CFAP20DC: variants seen among roughly 807,000 people sequenced by gnomAD.
CFAP20DC encodes the protein protein CFAP20DC.
A neutral mutation model predicts 101.7 loss-of-function variants in CFAP20DC; 84 were observed. The observed-to-expected ratio is 0.83, with a 90% confidence interval of 0.69 to 0.99. CFAP20DC has a LOEUF of 0.99. CFAP20DC is among the 50% of genes least tolerant of loss of function. The pLI is 0.00. For synonymous variants in CFAP20DC, 359 were observed against 351.2 expected (o/e 1.02, Z -0.25); for missense variants, 1,007 against 970.3 (o/e 1.04, Z -0.50).
intron 15 of CFAP20DC, among the ~76,000 whole-genome samples, chr3:58,782,384 G>A (rs1036413588): frequency 2.8e-4 from 42 of 152,056 alleles, no homozygotes; most frequent in African/African-American, 7.9e-4. Context: ...AGACAAGGAT[G>A]CCCACTTTTA....
At chr3:58,776,866 C>A (rs1299703838) in intron 15 of CFAP20DC, among the ~76,000 whole-genome samples, 2 of 151,822 alleles carry the variant, frequency 1.3e-5, no homozygotes, top group African/African-American at 4.8e-5. Context: ...AAGAGACAGT[C>A]CCTTCACCAT....
chr3:58,991,839 G>T lies in CFAP20DC; in HGVS notation c.278+47718C>A, dbSNP rs1172746515. On this transcript the variant is annotated intron_variant, in intron 4 of 16. Coordinates refer to ENST00000482387, the MANE Select transcript of CFAP20DC (RefSeq NM_001394063.1). ...CCTAACAGGTCACCTACAGGTACTG[G>T]TCTGTGGCCCAGGGCTCGGGGACCC... Among the ~76,000 whole-genome samples the T allele has an allele frequency of 2.0e-5, 3 of 152,224 alleles. No individual in the cohort carries two copies. The East Asian group carries it at 5.8e-4, about 29-fold the overall frequency.
chr3:58,917,226 T>C (rs1424548189), intron 5 of CFAP20DC, among the ~76,000 whole-genome samples: 2 of 152,188 alleles, frequency 1.3e-5, no homozygotes, highest in Non-Finnish European at 2.9e-5. Flanking sequence ...TTCTAGTTTT[T>C]ACTAACTCAT....
At chr3:58,983,894 C>T (rs1373741653) in intron 4 of CFAP20DC, among the ~76,000 whole-genome samples, 1 of 152,150 alleles carries the variant, frequency 6.6e-6, no homozygotes, top group Admixed American at 6.5e-5. Context: ...AGAATTCCAA[C>T]CCAGGCAGTC....
At position 58,861,796 on chromosome 3, in the gene CFAP20DC, A is replaced by G. The variant is rs1044170418; in HGVS notation, c.1593+1762T>C. The G allele has an allele frequency of 1.7e-5, 17 of 985,348 alleles. No individual in the cohort carries two copies. The highest frequency in any genetic ancestry group is 6.1e-5 in the Admixed American group (1 of 16,268). The allele number at this position is 985,348 out of a possible 1,614,324, so 61.0% of individuals were successfully genotyped here. On this transcript the variant is annotated intron_variant, in intron 12 of 16. Coordinates refer to ENST00000482387, the MANE Select transcript of CFAP20DC (RefSeq NM_001394063.1). The surrounding 1 kb of genome is among the most constrained non-coding windows in gnomAD (Gnocchi z 4.0). ...TGGTCTCACCACAGACTCTAGCCGT[A>G]TGCTACTGGTCACCTTGATGGGCAT... is the stretch of plus-strand genomic sequence containing the variant.
chr3:59,029,407 A>G (rs571956078), intron 4 of CFAP20DC, among the ~76,000 whole-genome samples: 11 of 152,296 alleles, frequency 7.2e-5, no homozygotes, highest in Admixed American at 6.5e-4. Flanking sequence ...GAAAATCATA[A>G]AAGGGCTTTC....
intron 15 of CFAP20DC, among the ~76,000 whole-genome samples, chr3:58,769,016 C>T (rs1253470863): frequency 2.6e-5 from 4 of 152,292 alleles, no homozygotes; most frequent in East Asian, 1.9e-4. Flanking sequence ...CAAATGGAAC[C>T]GTATGAATAC....
intron 12 of CFAP20DC, among the ~76,000 whole-genome samples, chr3:58,853,613 G>C (rs948023316): frequency 9.2e-5 from 14 of 151,964 alleles, no homozygotes; most frequent in Non-Finnish European, 1.8e-4. Flanking sequence ...GAATCCAGCA[G>C]CACATCAAAA....
chr3:59,037,280 T>C (rs1168636862), intron 4 of CFAP20DC, among the ~76,000 whole-genome samples: 3 of 151,716 alleles, frequency 2.0e-5, no homozygotes, highest in Non-Finnish European at 2.9e-5. Context: ...AATTGACAAA[T>C]GGGATCTAAT....
intron 7 of CFAP20DC, among the ~76,000 whole-genome samples, chr3:58,881,707 T>C (rs940838152): frequency 1.3e-5 from 2 of 152,126 alleles, no homozygotes; most frequent in Non-Finnish European, 2.9e-5. Flanking sequence ...TAATAAAATA[T>C]CACAATTTAC....
At chr3:58,984,447 T>G (rs1232002985) in intron 4 of CFAP20DC, among the ~76,000 whole-genome samples, 2 of 152,216 alleles carry the variant, frequency 1.3e-5, no homozygotes, top group Non-Finnish European at 2.9e-5. Context: ...AACTCTGAAA[T>G]GCAACGAGCA....
chr3:58,868,034 A>G lies in CFAP20DC; in HGVS notation c.1016-98T>C. 1 of 1,319,602 alleles carries G rather than the reference A, an allele frequency of 7.6e-7. No individual in the cohort carries two copies. The highest frequency in any genetic ancestry group is 2.6e-5 in the East Asian group (1 of 38,468). The allele number at this position is 1,319,602 out of a possible 1,614,324, so 81.7% of individuals were successfully genotyped here. A position where few individuals can be genotyped will look rare whatever the true frequency, so the allele number is the denominator to read the frequency against. On this transcript the variant is annotated intron_variant, in intron 9 of 16. Coordinates refer to ENST00000482387, the MANE Select transcript of CFAP20DC (RefSeq NM_001394063.1). This position sits in a 1 kb window ranked among gnomAD's most constrained non-coding sequence, Gnocchi z 4.6. ...AATTATCACTATAATGAGAATATTC[A>G]TGTATAATTTTGACATAATGTGAAG...
At position 58,812,483 on chromosome 3, in the gene CFAP20DC, G is replaced by C. The variant is rs565262119; in HGVS notation, c.2176-6027C>G. Reference sequence around the variant, plus strand: ...AAAAACCAAACACCGCATATTCTCAGTCATAGGTGGGAAATGAACAATGAG... The same window carrying C: ...AAAAACCAAACACCGCATATTCTCACTCATAGGTGGGAAATGAACAATGAG... On this transcript the variant is annotated intron_variant, in intron 14 of 16. Transcript: ENST00000482387. Among the ~76,000 whole-genome samples, 21 of 150,728 alleles carry C rather than the reference G, an allele frequency of 1.4e-4. No individual in the cohort carries two copies. In the South Asian group the frequency reaches 2.1e-3, roughly 15 times the overall value.
At position 58,849,143 on chromosome 3, in the gene CFAP20DC, C is replaced by T. The variant is rs1231645953; in HGVS notation, c.1860G>A (p.Glu620=). The part of the protein sequence containing the change: ...RRCGSCQKTP[E]PVIKAKDLSA... ...ATAGATCCTTCGCTTTGATTACGGG[C>T]TCTGGAGTTTTCTGACAGGACCCAC... is the stretch of plus-strand genomic sequence containing the variant. Residue 620 remains glutamate, a synonymous_variant, in exon 13 of 17, where the codon GAG becomes GAA. Coordinates refer to ENST00000482387, the MANE Select transcript of CFAP20DC (RefSeq NM_001394063.1). 2 of 1,535,986 alleles carry T rather than the reference C, an allele frequency of 1.3e-6. No individual in the cohort carries two copies. Among genetic ancestry groups the T allele is most frequent in the East Asian group, 2.4e-5 (1 of 40,894 alleles).
At chr3:58,962,468 A>C (rs1275382157) in intron 4 of CFAP20DC, among the ~76,000 whole-genome samples, 1 of 152,188 alleles carries the variant, frequency 6.6e-6, no homozygotes, top group Non-Finnish European at 1.5e-5. Flanking sequence ...TTCCATGTGC[A>C]CTGAAAGAGA....
chr3:58,994,501 G>C (rs906625339), intron 4 of CFAP20DC, among the ~76,000 whole-genome samples: 4 of 152,082 alleles, frequency 2.6e-5, no homozygotes, highest in Non-Finnish European at 4.4e-5. Flanking sequence ...CTTGCCCAAG[G>C]CACCAAGCAA....
chr3:58,750,687 T>C (rs959150698), intron 16 of CFAP20DC, among the ~76,000 whole-genome samples: 2 of 152,164 alleles, frequency 1.3e-5, no homozygotes, highest in Non-Finnish European at 2.9e-5. Context: ...TTTAGGCAAA[T>C]TGAGGGGTTG....
intron 4 of CFAP20DC, among the ~76,000 whole-genome samples, chr3:59,000,406 G>C (rs1269780163): frequency 6.6e-6 from 1 of 152,174 alleles, no homozygotes; most frequent in African/African-American, 2.4e-5. Context: ...AATCTAGCTG[G>C]AGTCAGGGAA....
In CFAP20DC at chr3:59,014,489, C is replaced by A. The variant is rs1302281616; in HGVS notation, c.278+25068G>T. 6.6e-6 allele frequency among the ~76,000 whole-genome samples: 1 copy of A among 152,108 alleles called. No homozygotes were observed. The highest frequency in any genetic ancestry group is 1.5e-5 in the Non-Finnish European group (1 of 68,006). On this transcript the variant is annotated intron_variant, in intron 4 of 16. Transcript: ENST00000482387. The surrounding 1 kb of genome is among the most constrained non-coding windows in gnomAD (Gnocchi z 4.9). Reference sequence around the variant, plus strand: ...AATTCATAGGGATATCAAGCTCAGACTCACAAGTAAAAAGAGGGTAACAGT... The same window carrying A: ...AATTCATAGGGATATCAAGCTCAGAATCACAAGTAAAAAGAGGGTAACAGT...
Sources: gnomAD v4.1 joint callset for allele counts (sites outside exome capture counted in the v4.1 genomes callset) on GRCh38, gnomAD v4.1.1 for gene constraint, Gnocchi (gnomAD v3.1) non-coding constraint, MANE v1.5 for transcripts, NCBI Gene and HGNC (gene_info 2026-07-23, HGNC 2026-07-21) for gene names.